Variants in BTBD10 observed in about 807,000 individuals in gnomAD.
The protein encoded by BTBD10 is BTB/POZ domain-containing protein 10.
In BTBD10, 21 loss-of-function variants were observed where a neutral mutation model predicts 53.2. That is an observed-to-expected ratio of 0.39 (90% CI 0.28 to 0.57). The LOEUF (loss-of-function observed/expected upper bound fraction) is 0.57, where lower values mean the gene tolerates loss of function less well. Among genes scored for constraint, BTBD10 ranks in the 20% least tolerant of loss-of-function variants. The pLI, the probability that BTBD10 is intolerant of heterozygous loss-of-function variation, is 0.53. For synonymous variants in BTBD10, 149 were observed against 192.7 expected (o/e 0.77, Z 1.88); for missense variants, 360 against 594.7 (o/e 0.61, Z 4.10).
chr11:13,388,774 G>A lies in BTBD10; in HGVS notation c.*57C>T. On this transcript the variant is annotated 3_prime_UTR_variant, in exon 9 of 9. Coordinates refer to ENST00000278174, the MANE Select transcript of BTBD10 (RefSeq NM_032320.7). ...AGAGTGGCCTTGCAGTGCAGAATGA[G>A]GAGAGTACAACGTCACTGTGAAGAG... The A allele has an allele frequency of 6.6e-7, 1 of 1,523,956 alleles. No individual in the cohort carries two copies. The highest frequency in any genetic ancestry group is 1.2e-5 in the South Asian group (1 of 81,612). 94.4% of individuals were successfully genotyped at this position (1,523,956 alleles called of 1,614,324 possible).
At chr11:13,419,237 G>A (rs1433930212) in intron 4 of BTBD10, among the ~76,000 whole-genome samples, 2 of 151,944 alleles carry the variant, frequency 1.3e-5, no homozygotes, top group African/African-American at 4.8e-5. Context: ...TACTGGTACT[G>A]CAAAGAACAC....
At chr11:13,416,872 T>G (rs991927922) in intron 5 of BTBD10, among the ~76,000 whole-genome samples, 1 of 151,994 alleles carries the variant, frequency 6.6e-6, no homozygotes, top group African/African-American at 2.4e-5. Context: ...TAGTCCCAAC[T>G]ACTCAGGAGG....
At chr11:13,435,569 T>G (rs1003810663) in intron 2 of BTBD10, among the ~76,000 whole-genome samples, 1 of 152,190 alleles carries the variant, frequency 6.6e-6, no homozygotes, top group Admixed American at 6.5e-5. Context: ...CTCGGCTCAC[T>G]GCAACCTCCA....
chr11:13,441,235 A>G (rs749518399), intron 2 of BTBD10, among the ~76,000 whole-genome samples: 2 of 152,132 alleles, frequency 1.3e-5, no homozygotes, highest in Non-Finnish European at 2.9e-5. Flanking sequence ...ACTGTAAACA[A>G]ATTTTTAAAA....
At position 13,461,849 on chromosome 11, in the gene BTBD10, A is replaced by G. The variant is rs543899609; in HGVS notation, c.-58+1243T>C. 2.0e-5 allele frequency among the ~76,000 whole-genome samples: 3 copies of G among 152,184 alleles called. No individual in the cohort carries two copies. In the South Asian group the frequency reaches 6.2e-4, roughly 32 times the overall value. ...CCTACTTTGTATGTATTAATATAATAGCTGTTAGGTCATACACGCTGAGAA... is the reference window on the plus strand; with the variant it reads ...CCTACTTTGTATGTATTAATATAATGGCTGTTAGGTCATACACGCTGAGAA... On this transcript the variant is annotated intron_variant, in intron 1 of 8. Coordinates refer to ENST00000278174, the MANE Select transcript of BTBD10 (RefSeq NM_032320.7).
At chr11:13,404,615 C>G (rs1303359343) in intron 7 of BTBD10, 4 of 984,062 alleles carry the variant, frequency 4.1e-6, no homozygotes, top group African/African-American at 1.8e-5. Flanking sequence ...ACTTTTTATT[C>G]CACATATTAT....
At chr11:13,425,307 A>G (rs150531144) in intron 2 of BTBD10, among the ~76,000 whole-genome samples, 102 of 152,310 alleles carry the variant, frequency 6.7e-4, no homozygotes, top group Non-Finnish European at 1.2e-3. Context: ...TTTTAACATC[A>G]AGACCAAAAG....
intron 7 of BTBD10, among the ~76,000 whole-genome samples, chr11:13,405,174 G>A (rs550082288): frequency 2.8e-4 from 43 of 152,192 alleles, no homozygotes; most frequent in African/African-American, 9.9e-4. Flanking sequence ...AAGGGTCATT[G>A]TATCCTTGAT....
intron 2 of BTBD10, among the ~76,000 whole-genome samples, chr11:13,436,422 G>A (rs540026056): frequency 6.6e-6 from 1 of 152,276 alleles, no homozygotes; most frequent in Admixed American, 6.5e-5. Flanking sequence ...CCCACTAGAA[G>A]ACATAATCAT....
intron 6 of BTBD10, 95 bp downstream of exon 6, chr11:13,413,430 ATACTT>A: frequency 9.8e-7 from 1 of 1,021,668 alleles, no homozygotes; most frequent in Non-Finnish European, 1.3e-6. Context: ...ATTGAATTAA[ATACTT>A]TAAGTCTAAC....
chr11:13,421,864 C>A, intron 2 of BTBD10, 26 bp from the exon 3 acceptor site: 2 of 1,551,306 alleles, frequency 1.3e-6, no homozygotes, highest in Non-Finnish European at 1.8e-6. Flanking sequence ...GGAAAATTAA[C>A]CATAAAAGCA....
At chr11:13,413,171 A>C (rs1001309142) in intron 6 of BTBD10, among the ~76,000 whole-genome samples, 1 of 152,198 alleles carries the variant, frequency 6.6e-6, no homozygotes, top group African/African-American at 2.4e-5. Context: ...AAAAAATTAT[A>C]AATTTTTGGA....
At chr11:13,420,265 T>G (rs77524539) in intron 3 of BTBD10, among the ~76,000 whole-genome samples, 5,164 of 151,574 alleles carry the variant, frequency 0.034, 287 homozygotes, top group African/African-American at 0.12. Context: ...AAAAAGAAGG[T>G]CCCCTTTCCC....
intron 8 of BTBD10, among the ~76,000 whole-genome samples, chr11:13,398,419 T>G (rs1565230409): frequency 6.6e-6 from 1 of 152,172 alleles, no homozygotes; most frequent in Non-Finnish European, 1.5e-5. Flanking sequence ...ATCCCTTTAT[T>G]TTGAGCCTAT....
At chr11:13,399,488 T>C (rs1042885881) in intron 8 of BTBD10, among the ~76,000 whole-genome samples, 3 of 152,226 alleles carry the variant, frequency 2.0e-5, no homozygotes, top group Non-Finnish European at 4.4e-5. Context: ...TGCCATTGGA[T>C]TGAACTTCCT....
At chr11:13,396,287 C>T (rs1417179588) in intron 8 of BTBD10, among the ~76,000 whole-genome samples, 9 of 151,964 alleles carry the variant, frequency 5.9e-5, no homozygotes, top group South Asian at 2.1e-4. Context: ...AGGTATTTTA[C>T]TCTCTTTGAA....
At chr11:13,457,285 G>T (rs1350373435) in intron 1 of BTBD10, among the ~76,000 whole-genome samples, 2 of 152,148 alleles carry the variant, frequency 1.3e-5, no homozygotes, top group Non-Finnish European at 2.9e-5. Context: ...CTACTTCAAA[G>T]ATGATACAAC....
chr11:13,455,234 A>T (rs1051430913), intron 1 of BTBD10, among the ~76,000 whole-genome samples: 3 of 152,162 alleles, frequency 2.0e-5, no homozygotes, highest in African/African-American at 7.2e-5. Flanking sequence ...TTAAAGGGTG[A>T]TCTCTAATTC....
At chr11:13,447,914 T>G (rs1950779324) in intron 1 of BTBD10, among the ~76,000 whole-genome samples, 1 of 152,186 alleles carries the variant, frequency 6.6e-6, no homozygotes, top group Non-Finnish European at 1.5e-5. Context: ...GTTTTATGTT[T>G]GTGTAAAATA....
Sources: allele counts gnomAD v4.1 joint callset (sites outside exome capture counted in the v4.1 genomes callset), GRCh38; gene constraint gnomAD v4.1.1; transcripts MANE v1.5; gene names NCBI Gene and HGNC (gene_info 2026-07-23, HGNC 2026-07-21).